The following FBXO15 variants were observed in gnomAD, a reference collection of about 807,000 sequenced individuals.
The protein encoded by FBXO15 is F-box protein 15.
A neutral mutation model predicts 49.5 loss-of-function variants in FBXO15; 30 were observed. The observed-to-expected ratio is 0.61, with a 90% CI of 0.45 to 0.82. The LOEUF (loss-of-function observed/expected upper bound fraction) is 0.82. FBXO15 is among the 40% of genes least tolerant of loss of function. The pLI is 0.00. For synonymous variants in FBXO15, 250 were observed against 232.7 expected (o/e 1.07, Z -0.68); for missense variants, 591 against 631.5 (o/e 0.94, Z 0.69).
rs956732888 is a variant in FBXO15, at chr18:74,126,037, C to A, written c.850G>T (p.Gly284Cys). Residue 284 changes from glycine (G) to cysteine (C), a missense_variant, in exon 6 of 10, where the codon GGC (glycine) becomes TGC (cysteine). Physicochemically the swap from Gly to Cys is radical, Grantham distance 159 (BLOSUM62 -3). Transcript: ENST00000419743. ...LSHLTISTMI[G>C]CDRLIRIFCL... is the part of the protein sequence containing the mutation. ...AAGATCCGAATGAGTCTGTCACAGC[C>A]AATCATGGTAGATATGGTCAAATGA... is the stretch of plus-strand genomic sequence containing the variant. The A allele has an allele frequency of 4.3e-6, 7 of 1,614,028 alleles. No homozygotes were observed. The highest frequency in any genetic ancestry group is 5.1e-6 in the Non-Finnish European group (6 of 1,179,978).
At chr18:74,143,063 C>A (rs1979183428) in intron 1 of FBXO15, among the ~76,000 whole-genome samples, 1 of 152,118 alleles carries the variant, frequency 6.6e-6, no homozygotes, top group Admixed American at 6.5e-5. Context: ...AAACCTGTAA[C>A]CCTTAAGCCT....
At chr18:74,137,665 C>G (rs1043144782) in intron 2 of FBXO15, among the ~76,000 whole-genome samples, 1 of 152,160 alleles carries the variant, frequency 6.6e-6, no homozygotes, top group Non-Finnish European at 1.5e-5. Flanking sequence ...AATGTTTACA[C>G]CCATATTGGA....
intron 8 of FBXO15, among the ~76,000 whole-genome samples, chr18:74,093,267 G>GGC (rs879423271): frequency 0.028 from 4,170 of 150,076 alleles, 138 homozygotes; most frequent in Non-Finnish European, 0.042. Flanking sequence ...AAACAATGGG[G>GGC]GGGGGGTGGC....
intron 3 of FBXO15, among the ~76,000 whole-genome samples, chr18:74,135,511 T>G (rs192815327): frequency 6.6e-6 from 1 of 152,348 alleles, no homozygotes; most frequent in Non-Finnish European, 1.5e-5. Context: ...GCAACAGACC[T>G]GAAGCTGCAT....
rs1912237635 is a variant in FBXO15, at chr18:74,075,881, T to A, written c.1264-2151A>T. Among the ~76,000 whole-genome samples, 1 of 152,190 alleles carries A rather than the reference T, an allele frequency of 6.6e-6. No homozygotes were observed. The highest frequency in any genetic ancestry group is 2.4e-5 in the African/African-American group (1 of 41,444). On this transcript the variant is annotated intron_variant, in intron 9 of 9. Transcript: ENST00000419743. The surrounding 1 kb of genome is among the most constrained non-coding windows in gnomAD (Gnocchi z 4.1). ...TAAATGGAACTCATCTACATTCACA[T>A]CCTAAGTTATCACCAACATGCCTGT... is the stretch of plus-strand genomic sequence containing the variant.
intron 5 of FBXO15, among the ~76,000 whole-genome samples, chr18:74,127,443 T>A (rs1282861546): frequency 6.6e-6 from 1 of 152,214 alleles, no homozygotes; most frequent in African/African-American, 2.4e-5. Flanking sequence ...TAGAAAGGTA[T>A]AAATTACAGG....
chr18:74,117,914 T>C lies in FBXO15; in HGVS notation c.1138+5454A>G, dbSNP rs188835284. Among the ~76,000 whole-genome samples the C allele has an allele frequency of 1.9e-3, 296 of 152,234 alleles. 2 individuals carry two copies. Among genetic ancestry groups the C allele is most frequent in the South Asian group, 0.019 (92 of 4,814 alleles). On this transcript the variant is annotated intron_variant, in intron 8 of 9. Coordinates refer to ENST00000419743, the MANE Select transcript of FBXO15 (RefSeq NM_001142958.2). ...TCTAGACAGTCCACTGAGACAGACC[T>C]AGCACCTAACAGGTCCTAACTCCTC... is the stretch of plus-strand genomic sequence containing the variant.
intron 8 of FBXO15, among the ~76,000 whole-genome samples, chr18:74,118,280 A>T (rs1238891100): frequency 6.6e-6 from 1 of 151,976 alleles, no homozygotes; most frequent in African/African-American, 2.4e-5. Flanking sequence ...TACAAACATG[A>T]GCCACCACAC....
chr18:74,113,053 A>C (rs528638107), intron 8 of FBXO15, among the ~76,000 whole-genome samples: 1 of 152,380 alleles, frequency 6.6e-6, no homozygotes, highest in East Asian at 1.9e-4. Context: ...GGAAGCAACC[A>C]AGATGTCTTT....
chr18:74,098,106 A>C (rs1913360116), intron 8 of FBXO15: 1 of 152,270 alleles, frequency 6.6e-6, no homozygotes. Flanking sequence ...CCCATGGGAC[A>C]AAAGAATCTG....
chr18:74,101,645 C>T (rs995901513), intron 8 of FBXO15, among the ~76,000 whole-genome samples: 3 of 152,138 alleles, frequency 2.0e-5, no homozygotes, highest in African/African-American at 7.2e-5. Context: ...AAAAAAGAGC[C>T]TGCATAGCCA....
chr18:74,131,415 C>T (rs1347596635), intron 3 of FBXO15, among the ~76,000 whole-genome samples: 2 of 152,134 alleles, frequency 1.3e-5, no homozygotes, highest in East Asian at 3.9e-4. Flanking sequence ...GGAACCAGAG[C>T]TCACACTCTT....
intron 8 of FBXO15, among the ~76,000 whole-genome samples, chr18:74,088,731 T>C (rs1321238532): frequency 1.3e-5 from 2 of 152,236 alleles, no homozygotes; most frequent in East Asian, 3.8e-4. Flanking sequence ...TTTTATCTAA[T>C]TCTGTGGAGA....
chr18:74,146,138 TA>T (rs1979396443), intron 1 of FBXO15, among the ~76,000 whole-genome samples: 10 of 152,210 alleles, frequency 6.6e-5, no homozygotes, highest in Admixed American at 6.5e-4. Context: ...GCAAATCAAA[TA>T]AATTACAGCA....
chr18:74,136,344 C>G (rs144560151), intron 2 of FBXO15, among the ~76,000 whole-genome samples: 2 of 152,306 alleles, frequency 1.3e-5, no homozygotes, highest in African/African-American at 4.8e-5. Flanking sequence ...CCAAGCCTGG[C>G]TAATTTTTTG....
chr18:74,078,255 C>T lies in FBXO15; in HGVS notation c.1263+3672G>A, dbSNP rs145909842. Among the ~76,000 whole-genome samples, 495 of 152,226 alleles carry T rather than the reference C, an allele frequency of 3.3e-3. 3 individuals are homozygous for T. Among genetic ancestry groups the T allele is most frequent in the African/African-American group, 0.011 (459 of 41,522 alleles). ...CTAACCTAAAACATGGCCTAGCACA[C>T]GATAGGCACATCAAACTCTTTAACA... On this transcript the variant is annotated intron_variant, in intron 9 of 9. Coordinates refer to ENST00000419743, the MANE Select transcript of FBXO15 (RefSeq NM_001142958.2).
intron 9 of FBXO15, among the ~76,000 whole-genome samples, chr18:74,079,810 A>G (rs1334682937): frequency 6.6e-6 from 1 of 152,146 alleles, no homozygotes; most frequent in Non-Finnish European, 1.5e-5. Context: ...GGAGATTCTC[A>G]TGGGAACAGC....
chr18:74,140,215 CAG>C lies in FBXO15; in HGVS notation c.212_213del (p.Ser71TrpfsTer39). 7 of 1,551,214 alleles carry C rather than the reference CAG, an allele frequency of 4.5e-6. No homozygotes were observed. On this transcript the variant is annotated frameshift_variant, in exon 2 of 10. Coordinates refer to ENST00000419743, the MANE Select transcript of FBXO15 (RefSeq NM_001142958.2). LOFTEE classifies it high-confidence loss of function. ...QHWESSFSCC[S>X]GFLDGMPSEI... is the part of the protein sequence containing the mutation. ...TCTGCTACTTACCCATCCAGGAACC[CAG>C]AACAGCAGGAGAAAGAGCTCTCCCA...
In FBXO15 at chr18:74,073,563, C is replaced by T. The variant is rs748461956; in HGVS notation, c.1431G>A (p.Val477=). The change falls in exon 10 of 10, where the codon GTG becomes GTA. Residue 477 remains valine, a synonymous_variant. Coordinates refer to ENST00000419743, the MANE Select transcript of FBXO15 (RefSeq NM_001142958.2). ...CGGTCTCTCTGATCCACACCAGCTC[C>T]ACGTGCACTCTTCCTTCCGCATCAA... The part of the protein sequence containing the change: ...DYVDAEGRVH[V]ELVWIRETEE... The T allele has an allele frequency of 4.8e-5, 78 of 1,614,078 alleles. No homozygotes were observed. Among genetic ancestry groups the T allele is most frequent in the Middle Eastern group, 1.6e-4 (1 of 6,084 alleles).
Sources: allele counts gnomAD v4.1 joint callset (sites outside exome capture counted in the v4.1 genomes callset), GRCh38; gene constraint gnomAD v4.1.1; non-coding constraint Gnocchi (gnomAD v3.1); transcripts MANE v1.5; gene names NCBI Gene and HGNC (gene_info 2026-07-23, HGNC 2026-07-21).